CACNA2D1: variants seen among roughly 807,000 people sequenced by gnomAD.
The protein encoded by CACNA2D1 is voltage-dependent calcium channel subunit alpha-2/delta-1.
Under a neutral mutation model 171.5 loss-of-function variants are expected in CACNA2D1, and 53 were observed. The observed-to-expected ratio is 0.31, with a 90% CI of 0.25 to 0.39. CACNA2D1 has a LOEUF of 0.39. Ranked by LOEUF, CACNA2D1 falls within the 10% of genes least tolerant of loss-of-function variation. CACNA2D1 has a pLI of 1.00. For synonymous variants in CACNA2D1, 442 were observed against 443.1 expected (o/e 1.00, Z 0.03); for missense variants, 903 against 1,299.8 (o/e 0.69, Z 4.69).
chr7:82,227,099 T>C (rs1189409031), intron 3 of CACNA2D1, among the ~76,000 whole-genome samples: 1 of 152,220 alleles, frequency 6.6e-6, no homozygotes, highest in Non-Finnish European at 1.5e-5. Flanking sequence ...TAGAGATCAA[T>C]ATAGAGCCTA....
At chr7:82,057,341 C>T (rs1806040108) in intron 10 of CACNA2D1, among the ~76,000 whole-genome samples, 1 of 152,022 alleles carries the variant, frequency 6.6e-6, no homozygotes, top group Non-Finnish European at 1.5e-5. Flanking sequence ...GGAAAGTCCC[C>T]TCTTACTATA....
At chr7:82,370,958 A>T (rs969343260) in intron 1 of CACNA2D1, among the ~76,000 whole-genome samples, 18 of 152,206 alleles carry the variant, frequency 1.2e-4, no homozygotes, top group Admixed American at 3.9e-4. Flanking sequence ...ATCCAAATGT[A>T]TATGTAAAAA....
At chr7:82,439,222 T>C (rs12532141) in intron 1 of CACNA2D1, among the ~76,000 whole-genome samples, 44,708 of 151,920 alleles carry the variant, frequency 0.29, 8,001 homozygotes, top group South Asian at 0.55. Context: ...AAATTATTTG[T>C]AAAATTTCTC....
intron 3 of CACNA2D1, among the ~76,000 whole-genome samples, chr7:82,322,441 C>T (rs1388233549): frequency 8.6e-6 from 1 of 116,668 alleles, no homozygotes; most frequent in Admixed American, 1.1e-4. Flanking sequence ...ACTGGAAGAT[C>T]CTGGCTTTAC....
intron 1 of CACNA2D1, among the ~76,000 whole-genome samples, chr7:82,354,866 T>A (rs1332673357): frequency 6.6e-6 from 1 of 151,804 alleles, no homozygotes; most frequent in Admixed American, 6.6e-5. Context: ...TTGAAAGTCC[T>A]GACAATTTCA....
chr7:82,215,588 T>G (rs1348297146), intron 3 of CACNA2D1, among the ~76,000 whole-genome samples: 1 of 152,126 alleles, frequency 6.6e-6, no homozygotes, highest in African/African-American at 2.4e-5. Flanking sequence ...CTAATGTAGG[T>G]CATGTATGAG....
At chr7:82,160,170 A>G (rs1014498804) in intron 4 of CACNA2D1, among the ~76,000 whole-genome samples, 4 of 152,042 alleles carry the variant, frequency 2.6e-5, no homozygotes, top group East Asian at 2.0e-4. Flanking sequence ...GACAAAAGAC[A>G]GTGAAGCAAT....
At chr7:82,173,638 C>T (rs1796267335) in intron 3 of CACNA2D1, among the ~76,000 whole-genome samples, 1 of 151,862 alleles carries the variant, frequency 6.6e-6, no homozygotes. Context: ...TTATAGAAAA[C>T]CGACATGTCT....
At chr7:82,305,910 AATTTC>A (rs547578665) in intron 3 of CACNA2D1, among the ~76,000 whole-genome samples, 119 of 152,206 alleles carry the variant, frequency 7.8e-4, no homozygotes, top group Non-Finnish European at 1.3e-3. Flanking sequence ...GAAAGGTAAA[AATTTC>A]TTACTAGTCA....
chr7:82,097,218 A>T (rs1197231666), intron 6 of CACNA2D1, among the ~76,000 whole-genome samples: 4 of 152,176 alleles, frequency 2.6e-5, no homozygotes, highest in Non-Finnish European at 5.9e-5. Flanking sequence ...ATGTGGGGCA[A>T]TTGCAGGGAT....
intron 10 of CACNA2D1, among the ~76,000 whole-genome samples, chr7:82,055,728 A>G (rs1321160247): frequency 7.9e-6 from 1 of 125,812 alleles, no homozygotes; most frequent in Admixed American, 9.4e-5. Flanking sequence ...ACATTTGGAC[A>G]CAGGAAGGGG....
intron 3 of CACNA2D1, among the ~76,000 whole-genome samples, chr7:82,283,670 A>AT (rs5885281): frequency 0.2 from 30,333 of 151,818 alleles, 3,559 homozygotes; most frequent in Non-Finnish European, 0.25. Context: ...AAGAATCTCT[A>AT]TTTTTTTTAG....
At chr7:82,359,582 G>A (rs559730348) in intron 1 of CACNA2D1, among the ~76,000 whole-genome samples, 15 of 152,072 alleles carry the variant, frequency 9.9e-5, no homozygotes, top group African/African-American at 2.9e-4. Flanking sequence ...ATCACCTCTC[G>A]AATCCTCTTC....
chr7:82,046,856 G>A (rs1180522901), intron 10 of CACNA2D1, among the ~76,000 whole-genome samples: 1 of 152,054 alleles, frequency 6.6e-6, no homozygotes, highest in Non-Finnish European at 1.5e-5. Context: ...CTCAAATCAT[G>A]ATGTAACCTA....
intron 6 of CACNA2D1, among the ~76,000 whole-genome samples, chr7:82,101,746 T>C (rs1416958752): frequency 2.6e-5 from 4 of 152,172 alleles, no homozygotes; most frequent in African/African-American, 4.8e-5. Context: ...TTAAATATGC[T>C]TCTTTCCGTT....
intron 10 of CACNA2D1, among the ~76,000 whole-genome samples, chr7:82,054,457 T>G (rs1805568390): frequency 6.6e-6 from 1 of 152,224 alleles, no homozygotes; most frequent in South Asian, 2.1e-4. Flanking sequence ...TCATGAAATC[T>G]ATACTTATTC....
intron 38 of CACNA2D1, among the ~76,000 whole-genome samples, chr7:81,955,442 CTTTGATATCATTAT>C: frequency 6.6e-6 from 1 of 152,136 alleles, no homozygotes; most frequent in South Asian, 2.1e-4. Context: ...ATAATACTTC[CTTTGATATCATTAT>C]ATCAACATTC....
chr7:82,090,773 C>G (rs1811060794), intron 6 of CACNA2D1, among the ~76,000 whole-genome samples: 2 of 152,122 alleles, frequency 1.3e-5, no homozygotes, highest in South Asian at 2.1e-4. Context: ...TCCTCCACAC[C>G]TTTAATTTTT....
Position 82,443,684 on chromosome 7 carries a change from T to TGCTCCGCGCCGCGGCC in CACNA2D1, c.-241_-226dup. On this transcript the variant is annotated 5_prime_UTR_variant, in exon 1 of 39. An upstream open reading frame in the 5' UTR loses its in-frame stop. Coordinates refer to ENST00000356860, the MANE Select transcript of CACNA2D1 (RefSeq NM_000722.4). The stretch of plus-strand genomic sequence containing the variant: ...GGCGGACCCACTAGCGTGCGTCGGC[T>TGCTCCGCGCCGCGGCC]GCTCCGCGCCGCGGCCGCCTTGCCT... 4.0e-6 allele frequency: 5 copies of TGCTCCGCGCCGCGGCC among 1,237,004 alleles called. No individual in the cohort carries two copies. The highest frequency in any genetic ancestry group is 5.0e-6 in the Non-Finnish European group (5 of 992,768). 76.6% of individuals were successfully genotyped at this position (1,237,004 alleles called of 1,614,324 possible). A position where few individuals can be genotyped will look rare whatever the true frequency, so the allele number is the denominator to read the frequency against.
Sources: allele counts gnomAD v4.1 joint callset (sites outside exome capture counted in the v4.1 genomes callset), GRCh38; gene constraint gnomAD v4.1.1; transcripts MANE v1.5; gene names NCBI Gene and HGNC (gene_info 2026-07-23, HGNC 2026-07-21).